Variants in SND1 observed in about 807,000 individuals in gnomAD.
The protein encoded by SND1 is staphylococcal nuclease domain-containing protein 1.
Under a neutral mutation model 121.7 loss-of-function variants are expected in SND1, and 38 were observed. The ratio of observed to expected loss-of-function variants is 0.31; its 90% CI spans 0.24 to 0.41. SND1 has a LOEUF of 0.41. Among genes scored for constraint, SND1 ranks in the 10% least tolerant of loss-of-function variants. The pLI is 1.00. For synonymous variants in SND1, 401 were observed against 447.4 expected, an observed-to-expected ratio of 0.90 and a Z score of 1.31; for missense variants, 868 against 1,184.6, an observed-to-expected ratio of 0.73 and a Z score of 3.92.
At chr7:128,035,056 G>T (rs549627871) in intron 16 of SND1, among the ~76,000 whole-genome samples, 2 of 152,176 alleles carry the variant, frequency 1.3e-5, no homozygotes, top group Non-Finnish European at 2.9e-5. Flanking sequence ...CTGTGATAAC[G>T]CCAGAGAGAG....
At chr7:127,744,064 G>T (rs1796932920) in intron 10 of SND1, among the ~76,000 whole-genome samples, 1 of 152,148 alleles carries the variant, frequency 6.6e-6, no homozygotes, top group Non-Finnish European at 1.5e-5. Context: ...AATGATAGTA[G>T]ATTATAATAT....
At position 128,081,813 on chromosome 7, in the gene SND1, T is replaced by G. The variant is rs369009518; in HGVS notation, c.2110+312T>G. Reference sequence around the variant, plus strand: ...TGGAGCTCTGAGTCTCTTAGGTGATTGTTTGTTCCTACATACCCCTGGCTA... The same window carrying G: ...TGGAGCTCTGAGTCTCTTAGGTGATGGTTTGTTCCTACATACCCCTGGCTA... On this transcript the variant is annotated intron_variant, in intron 18 of 23. Coordinates refer to ENST00000354725, the MANE Select transcript of SND1 (RefSeq NM_014390.4). The G allele has an allele frequency of 1.7e-5, 10 of 579,766 alleles. No individual in the cohort carries two copies. In the African/African-American group the frequency reaches 1.9e-4, roughly 11 times the overall value. The allele number at this position is 579,766 out of a possible 1,614,324, so 35.9% of individuals were successfully genotyped here.
At chr7:127,819,198 C>A (rs1798501346) in intron 11 of SND1, among the ~76,000 whole-genome samples, 1 of 152,142 alleles carries the variant, frequency 6.6e-6, no homozygotes, top group Non-Finnish European at 1.5e-5. Flanking sequence ...GAAGTTAGTA[C>A]TTCAAATGCA....
At position 127,858,270 on chromosome 7, in the gene SND1, G is replaced by C. The variant is rs528321088; in HGVS notation, c.1343+13846G>C. 132 of 801,774 alleles carry C rather than the reference G, an allele frequency of 1.6e-4. 2 individuals carry two copies. In the South Asian group the frequency reaches 1.9e-3, roughly 12 times the overall value. The allele number at this position is 801,774 out of a possible 1,614,324, so 49.7% of individuals were successfully genotyped here. ...ACCATCTGGTCGGCCAATTCGGAGA[G>C]CCGGTCCGGGCACTGCGGGGAACTG... On this transcript the variant is annotated intron_variant, in intron 12 of 23. Transcript: ENST00000354725.
At chr7:127,826,040 A>C (rs1014214849) in intron 11 of SND1, among the ~76,000 whole-genome samples, 1 of 151,892 alleles carries the variant, frequency 6.6e-6, no homozygotes, top group Non-Finnish European at 1.5e-5. Context: ...AAAATACAAA[A>C]ATTAGCTGGG....
rs2116763520 is a variant in SND1 at position 127,903,733 on chromosome 7, C to A, written c.1455-1014C>A. Among the ~76,000 whole-genome samples, 7 of 152,250 alleles carry A rather than the reference C, an allele frequency of 4.6e-5. 1 individual carries two copies. In the South Asian group the frequency reaches 1.5e-3, roughly 32 times the overall value. On this transcript the variant is annotated intron_variant, in intron 13 of 23. Transcript: ENST00000354725. ...AACCCCTGCAGAAGTGTGTCCTCTA[C>A]CTCTGCTCCTTGAGTGAGTTCCTGA...
chr7:127,963,265 T>A (rs1009079106), intron 15 of SND1, among the ~76,000 whole-genome samples: 5 of 144,990 alleles, frequency 3.4e-5, no homozygotes, highest in African/African-American at 1.0e-4. Flanking sequence ...TTTTTTTTTT[T>A]AATTATACTT....
chr7:127,879,346 G>A (rs1799748774), intron 12 of SND1, among the ~76,000 whole-genome samples: 1 of 152,060 alleles, frequency 6.6e-6, no homozygotes, highest in African/African-American at 2.4e-5. Flanking sequence ...GCCTTGCTTT[G>A]GGCCTGTTCA....
chr7:127,748,910 A>G (rs896159890), intron 10 of SND1, among the ~76,000 whole-genome samples: 6 of 152,184 alleles, frequency 3.9e-5, no homozygotes, highest in Non-Finnish European at 7.3e-5. Flanking sequence ...AGCTTTAAAG[A>G]AACAACACCC....
At chr7:127,935,204 C>T (rs1343349110) in intron 15 of SND1, among the ~76,000 whole-genome samples, 1 of 152,124 alleles carries the variant, frequency 6.6e-6, no homozygotes, top group Admixed American at 6.5e-5. Context: ...GTACAGATTG[C>T]ACTTCCCTGA....
At chr7:127,971,528 C>A (rs1262737462) in intron 15 of SND1, among the ~76,000 whole-genome samples, 1 of 152,130 alleles carries the variant, frequency 6.6e-6, no homozygotes, top group East Asian at 1.9e-4. Flanking sequence ...AATAATGAAT[C>A]TGAAGAGTAC....
rs145149403 is a variant in SND1, at chr7:127,825,439, T to G, written c.1242+17866T>G. Among the ~76,000 whole-genome samples the G allele has an allele frequency of 4.6e-3, 690 of 151,408 alleles. 6 individuals are homozygous for G. Among genetic ancestry groups the G allele is most frequent in the African/African-American group, 0.016 (650 of 41,268 alleles). The stretch of plus-strand genomic sequence containing the variant: ...TTTTTTTTTTTGAAACTGAATTTTG[T>G]TCTTGTTGCCCAGGCTGAAGTGTAG... On this transcript the variant is annotated intron_variant, in intron 11 of 23. Transcript: ENST00000354725.
chr7:127,711,631 T>C (rs2116364805), intron 9 of SND1, among the ~76,000 whole-genome samples: 1 of 152,298 alleles, frequency 6.6e-6, no homozygotes, highest in East Asian at 1.9e-4. Context: ...TGTTTTGTTC[T>C]GAGACTTTTT....
chr7:127,982,103 G>A (rs921563214), intron 15 of SND1, among the ~76,000 whole-genome samples: 1 of 152,130 alleles, frequency 6.6e-6, no homozygotes, highest in African/African-American at 2.4e-5. Flanking sequence ...ATTAACAGGC[G>A]AACAACTATT....
chr7:127,939,135 C>T (rs891248435), intron 15 of SND1, among the ~76,000 whole-genome samples: 3 of 152,148 alleles, frequency 2.0e-5, no homozygotes, highest in African/African-American at 7.2e-5. Flanking sequence ...TTTCAAAACT[C>T]GGAAATACAG....
At chr7:127,922,101 C>G (rs1462208450) in intron 14 of SND1, among the ~76,000 whole-genome samples, 1 of 151,170 alleles carries the variant, frequency 6.6e-6, no homozygotes, top group Non-Finnish European at 1.5e-5. Context: ...AGCTATCCTC[C>G]CACATCAGCC....
chr7:127,932,251 T>C (rs1800969751), intron 15 of SND1, among the ~76,000 whole-genome samples: 1 of 152,182 alleles, frequency 6.6e-6, no homozygotes. Flanking sequence ...AGGAAGTTGA[T>C]TCCAAGCCTC....
chr7:127,891,566 T>G (rs905147059), intron 13 of SND1, among the ~76,000 whole-genome samples: 2 of 152,098 alleles, frequency 1.3e-5, no homozygotes, highest in African/African-American at 4.8e-5. Context: ...CTAGATAGAT[T>G]AGCTGTATGT....
At chr7:128,018,698 C>T (rs976600689) in intron 16 of SND1, among the ~76,000 whole-genome samples, 1 of 152,144 alleles carries the variant, frequency 6.6e-6, no homozygotes, top group Non-Finnish European at 1.5e-5. Context: ...GGAAGCAGTC[C>T]GTCTCTATCA....
Sources: gnomAD v4.1 joint callset for allele counts (sites outside exome capture counted in the v4.1 genomes callset) on GRCh38, gnomAD v4.1.1 for gene constraint, MANE v1.5 for transcripts, NCBI Gene and HGNC (gene_info 2026-07-23, HGNC 2026-07-21) for gene names.